Variants in UTRN observed in about 807,000 individuals in gnomAD.
UTRN encodes utrophin.
A neutral mutation model predicts 463.9 loss-of-function variants in UTRN; 283 were observed. The observed-to-expected ratio is 0.61, with a 90% CI of 0.55 to 0.67. The LOEUF is 0.67. UTRN is among the 30% of genes least tolerant of loss of function. UTRN has a pLI of 0.00. For missense variants in UTRN, 3,922 were observed against 4,084.3 expected (o/e 0.96, Z 1.08); for synonymous variants, 1,442 against 1,431.5 (o/e 1.01, Z -0.17).
intron 60 of UTRN, 39 bp from the exon 61 acceptor site, chr6:144,781,883 T>C (rs951390521): frequency 6.7e-7 from 1 of 1,483,976 alleles, no homozygotes; most frequent in Non-Finnish European, 9.4e-7. Flanking sequence ...TGTAATGTAA[T>C]GTAATGACTG....
chr6:144,578,659 C>G (rs1179011460), intron 51 of UTRN, among the ~76,000 whole-genome samples: 1 of 152,132 alleles, frequency 6.6e-6, no homozygotes, highest in African/African-American at 2.4e-5. Context: ...ATACATGTCT[C>G]TGCTTGTCCC....
At chr6:144,839,675 G>T (rs888327911) in intron 72 of UTRN, among the ~76,000 whole-genome samples, 1 of 152,112 alleles carries the variant, frequency 6.6e-6, no homozygotes, top group Non-Finnish European at 1.5e-5. Flanking sequence ...ATCTGCCAAG[G>T]TGTGGAAACT....
intron 51 of UTRN, among the ~76,000 whole-genome samples, chr6:144,672,209 G>A (rs1439396331): frequency 6.6e-6 from 1 of 151,586 alleles, no homozygotes; most frequent in Non-Finnish European, 1.5e-5. Flanking sequence ...TCTCTGTCTT[G>A]TGGAATAGTG....
At chr6:144,634,080 A>G (rs1031113833) in intron 51 of UTRN, among the ~76,000 whole-genome samples, 3 of 152,368 alleles carry the variant, frequency 2.0e-5, no homozygotes, top group Non-Finnish European at 2.9e-5. Flanking sequence ...CAGGCAAACT[A>G]TAAGATCACG....
chr6:144,319,557 C>G (rs554386770), intron 2 of UTRN, among the ~76,000 whole-genome samples: 1 of 151,960 alleles, frequency 6.6e-6, no homozygotes, highest in Non-Finnish European at 1.5e-5. Context: ...ATGTTTCTAT[C>G]TTCAGTTTTT....
At chr6:144,550,455 A>G (rs1164865926) in intron 47 of UTRN, among the ~76,000 whole-genome samples, 1 of 152,176 alleles carries the variant, frequency 6.6e-6, no homozygotes, top group African/African-American at 2.4e-5. Flanking sequence ...GCACTGAGAG[A>G]CAAACCATCT....
At chr6:144,331,297 C>T (rs1200754718) in intron 2 of UTRN, among the ~76,000 whole-genome samples, 1 of 152,188 alleles carries the variant, frequency 6.6e-6, no homozygotes, top group Non-Finnish European at 1.5e-5. Context: ...TGTAAATCAT[C>T]TAGGATAGGA....
At chr6:144,669,053 CA>C (rs1454626125) in intron 51 of UTRN, among the ~76,000 whole-genome samples, 1 of 152,186 alleles carries the variant, frequency 6.6e-6, no homozygotes, top group Admixed American at 6.6e-5. Context: ...TTGTAATTCA[CA>C]CTTACTTATG....
chr6:144,733,677 G>A (rs1385694239), intron 54 of UTRN, among the ~76,000 whole-genome samples: 1 of 152,000 alleles, frequency 6.6e-6, no homozygotes, highest in Non-Finnish European at 1.5e-5. Context: ...ATCTTTTGAA[G>A]TTCTTTCAAA....
chr6:144,766,525 G>A (rs957735616), intron 58 of UTRN, among the ~76,000 whole-genome samples: 2 of 145,046 alleles, frequency 1.4e-5, no homozygotes, highest in African/African-American at 4.9e-5. Flanking sequence ...CTAATACACT[G>A]TATAACTTAC....
chr6:144,447,292 CTAAG>C lies in UTRN; in HGVS notation c.1698_1701del (p.Ser569PhefsTer7), dbSNP rs1436332372. ...AAGCAACTTCAAAGACCAAAAGGAACTAAGTGTCAGTGTTCGACGTCTGGCTGTA... is the reference window on the plus strand; with the variant it reads ...AAGCAACTTCAAAGACCAAAAGGAACTGTCAGTGTTCGACGTCTGGCTGTA... On this transcript the variant is annotated frameshift_variant, in exon 15 of 75. Coordinates refer to ENST00000367545, the MANE Select transcript of UTRN (RefSeq NM_007124.3). LOFTEE classifies it high-confidence loss of function. 1 of 1,613,762 alleles carries C rather than the reference CTAAG, an allele frequency of 6.2e-7. No individual in the cohort carries two copies. The highest frequency in any genetic ancestry group is 1.7e-5 in the Admixed American group (1 of 59,992).
chr6:144,368,619 C>A (rs1360940244), intron 2 of UTRN, among the ~76,000 whole-genome samples: 1 of 151,872 alleles, frequency 6.6e-6, no homozygotes, highest in Non-Finnish European at 1.5e-5. Flanking sequence ...TTTAAAAATG[C>A]AAAAATTAGC....
chr6:144,616,943 T>C (rs533350142), intron 51 of UTRN, among the ~76,000 whole-genome samples: 1 of 152,330 alleles, frequency 6.6e-6, no homozygotes, highest in East Asian at 1.9e-4. Context: ...GTGGCCTTTA[T>C]TGACTATCCT....
At chr6:144,812,695 A>T (rs1778728488) in intron 65 of UTRN, among the ~76,000 whole-genome samples, 1 of 152,220 alleles carries the variant, frequency 6.6e-6, no homozygotes, top group Non-Finnish European at 1.5e-5. Flanking sequence ...GGTTGGTAAA[A>T]TACAATCTCA....
At chr6:144,287,023 T>TCCCGGCCG (rs1344991113) in intron 1 of UTRN, among the ~76,000 whole-genome samples, 225 of 151,286 alleles carry the variant, frequency 1.5e-3, no homozygotes, top group African/African-American at 5.2e-3. Flanking sequence ...GAGCCGACCC[T>TCCCGGCCG]CCCGGCCGCC....
At chr6:144,296,108 T>C (rs182297145) in intron 2 of UTRN, among the ~76,000 whole-genome samples, 5 of 152,336 alleles carry the variant, frequency 3.3e-5, no homozygotes, top group African/African-American at 1.2e-4. Context: ...TGTTCATTAA[T>C]AGCCTTCCCA....
intron 2 of UTRN, among the ~76,000 whole-genome samples, chr6:144,392,664 G>A (rs1017037281): frequency 2.6e-5 from 4 of 152,128 alleles, no homozygotes; most frequent in African/African-American, 9.7e-5. Flanking sequence ...TCTCTGGAAT[G>A]TTATACTGGC....
At chr6:144,444,248 G>C (rs780304731) in intron 13 of UTRN, 33 bp from the exon 14 acceptor site, 12 of 1,551,624 alleles carry the variant, frequency 7.7e-6, no homozygotes, top group Non-Finnish European at 9.7e-6. Context: ...TCTTAAGGCT[G>C]TGTTGACAAA....
At chr6:144,842,937 A>C (rs1410361409) in intron 73 of UTRN, among the ~76,000 whole-genome samples, 1 of 151,876 alleles carries the variant, frequency 6.6e-6, no homozygotes, top group Non-Finnish European at 1.5e-5. Flanking sequence ...ATTGTTGCTT[A>C]TTTTCTAGGC....
Sources: allele counts gnomAD v4.1 joint callset (sites outside exome capture counted in the v4.1 genomes callset), GRCh38; gene constraint gnomAD v4.1.1; transcripts MANE v1.5; gene names NCBI Gene and HGNC (gene_info 2026-07-23, HGNC 2026-07-21).